The following VAV2 variants were observed in gnomAD, a reference collection of about 807,000 sequenced individuals.
The protein encoded by VAV2 is vav guanine nucleotide exchange factor 2.
In VAV2, 67 loss-of-function variants were observed where a neutral mutation model predicts 132.5. The ratio of observed to expected loss-of-function variants is 0.51; its 90% CI spans 0.42 to 0.62. The LOEUF (loss-of-function observed/expected upper bound fraction) is 0.62. Among genes scored for constraint, VAV2 ranks in the 20% least tolerant of loss-of-function variants. The pLI is 0.00. For missense variants in VAV2, 938 were observed against 1,153.6 expected (o/e 0.81, Z 2.71); for synonymous variants, 492 against 443.5 (o/e 1.11, Z -1.37).
intron 10 of VAV2, among the ~76,000 whole-genome samples, chr9:133,797,392 C>A (rs1046802032): frequency 6.6e-6 from 1 of 151,340 alleles, no homozygotes; most frequent in Admixed American, 6.6e-5. Flanking sequence ...CAGCAAATGG[C>A]ACCTGGGGCT....
chr9:133,920,387 G>A (rs1840255448), intron 2 of VAV2, among the ~76,000 whole-genome samples: 1 of 152,214 alleles, frequency 6.6e-6, no homozygotes, highest in Non-Finnish European at 1.5e-5. Flanking sequence ...CCTGCAGGCT[G>A]GGGCAATCCA....
intron 1 of VAV2, among the ~76,000 whole-genome samples, chr9:133,970,227 C>G (rs1842283759): frequency 6.6e-6 from 1 of 152,212 alleles, no homozygotes; most frequent in South Asian, 2.1e-4. Flanking sequence ...CCTCAGCTCC[C>G]TGGGCACAGG....
At chr9:133,972,326 G>A (rs867407426) in intron 1 of VAV2, among the ~76,000 whole-genome samples, 15 of 152,196 alleles carry the variant, frequency 9.9e-5, no homozygotes, top group Admixed American at 5.2e-4. Flanking sequence ...CCGTCCGTCC[G>A]ACCCTTCTCT....
chr9:133,791,784 A>C lies in VAV2; in HGVS notation c.1187T>G (p.Leu396Trp). The change falls in exon 13 of 30, where the codon TTG becomes TGG. Residue 396 changes from leucine (L) to tryptophan (W), a missense_variant and splice_region_variant. By Grantham distance (61) the Leu-to-Trp change is moderately conservative (BLOSUM62 -2). Coordinates refer to ENST00000371850, the MANE Select transcript of VAV2 (RefSeq NM_001134398.2). The stretch of plus-strand genomic sequence containing the variant: ...GCCTGAAGAGTCAGTCTCACTCACC[A>C]AATTTTCTATAGAACTCTGAAATTC... ...ISEFQSSIEN[L>W]QVKLEEFGRP... 1 of 1,614,074 alleles carries C rather than the reference A, an allele frequency of 6.2e-7. No homozygotes were observed. Among genetic ancestry groups the C allele is most frequent in the Non-Finnish European group, 8.5e-7 (1 of 1,179,936 alleles).
intron 19 of VAV2, among the ~76,000 whole-genome samples, 163 bp downstream of exon 19, chr9:133,783,340 C>T (rs759517776): frequency 2.0e-5 from 3 of 152,082 alleles, no homozygotes; most frequent in Admixed American, 6.5e-5. Context: ...GTGTGACGTG[C>T]GGCAGGCGTC....
rs1029295232 is a variant in VAV2 at position 133,802,019 on chromosome 9, C to G, written c.836+4062G>C. ...TTACAGCCAAGCCAGGTCACTCACA[C>G]AGACGCCTTCACCCTCCGTCCACAC... On this transcript the variant is annotated intron_variant, in intron 9 of 29. Coordinates refer to ENST00000371850, the MANE Select transcript of VAV2 (RefSeq NM_001134398.2). This position sits in a 1 kb window ranked among gnomAD's most constrained non-coding sequence, Gnocchi z 5.8. Among the ~76,000 whole-genome samples, 2 of 152,182 alleles carry G rather than the reference C, an allele frequency of 1.3e-5. No individual in the cohort carries two copies. Among genetic ancestry groups the G allele is most frequent in the Admixed American group, 6.5e-5 (1 of 15,290 alleles).
intron 3 of VAV2, among the ~76,000 whole-genome samples, chr9:133,858,264 C>G (rs906816189): frequency 3.9e-5 from 6 of 152,170 alleles, no homozygotes; most frequent in African/African-American, 1.4e-4. Flanking sequence ...CCTCTGCAGG[C>G]GCTGGGGATG....
At chr9:133,773,746 T>C (rs948525206) in intron 25 of VAV2, among the ~76,000 whole-genome samples, 2 of 152,192 alleles carry the variant, frequency 1.3e-5, no homozygotes, top group Non-Finnish European at 2.9e-5. Context: ...ATTAAGTATT[T>C]TTTTGCTGAG....
intron 1 of VAV2, among the ~76,000 whole-genome samples, chr9:133,950,101 G>C (rs1192919947): frequency 1.3e-5 from 2 of 152,186 alleles, no homozygotes; most frequent in African/African-American, 4.8e-5. Flanking sequence ...CTCAAAGGCT[G>C]AAAAGTCAAG....
At chr9:133,803,214 G>C (rs1328808787) in intron 9 of VAV2, among the ~76,000 whole-genome samples, 1 of 152,168 alleles carries the variant, frequency 6.6e-6, no homozygotes, top group Non-Finnish European at 1.5e-5. Context: ...ACCCAGCCCT[G>C]GGGGAGGAGG....
chr9:133,928,990 C>T lies in VAV2; in HGVS notation c.321+10113G>A, dbSNP rs941769338. On this transcript the variant is annotated intron_variant, in intron 2 of 29. Transcript: ENST00000371850. The surrounding 1 kb of genome is among the most constrained non-coding windows in gnomAD (Gnocchi z 5.4). ...ACAGCACCACTCCCAGGAGCTTCCT[C>T]ACGAGACCCAGCCCATGAAAACAGG... Among the ~76,000 whole-genome samples, 5 of 152,208 alleles carry T rather than the reference C, an allele frequency of 3.3e-5. No individual in the cohort carries two copies. Among genetic ancestry groups the T allele is most frequent in the African/African-American group, 1.2e-4 (5 of 41,446 alleles).
chr9:133,930,874 G>A (rs1840662765), intron 2 of VAV2, among the ~76,000 whole-genome samples: 2 of 152,332 alleles, frequency 1.3e-5, no homozygotes, highest in South Asian at 4.1e-4. Context: ...GCCACCCCCA[G>A]ACAGTGCTGA....
At chr9:133,958,698 T>A (rs558885950) in intron 1 of VAV2, among the ~76,000 whole-genome samples, 121 of 152,292 alleles carry the variant, frequency 7.9e-4, no homozygotes, top group African/African-American at 2.0e-3. Flanking sequence ...CGTTCCACCT[T>A]ACGAGAAACA....
chr9:133,990,457 G>A (rs1002643454), intron 1 of VAV2, among the ~76,000 whole-genome samples: 36 of 152,144 alleles, frequency 2.4e-4, no homozygotes, highest in African/African-American at 6.8e-4. Context: ...CACAGCTGGG[G>A]AGGGGCAGCC....
chr9:133,805,796 C>T lies in VAV2; in HGVS notation c.836+285G>A, dbSNP rs1270601447. 6.6e-5 allele frequency among the ~76,000 whole-genome samples: 10 copies of T among 152,190 alleles called. No homozygotes were observed. The East Asian group carries it at 1.7e-3, about 26-fold the overall frequency. ...GGCCCGAGATCTCCGCTGGGACAGCCGAGCCACTTGGATGGCCACACCTCT... is the reference window on the plus strand; with the variant it reads ...GGCCCGAGATCTCCGCTGGGACAGCTGAGCCACTTGGATGGCCACACCTCT... On this transcript the variant is annotated intron_variant, in intron 9 of 29. Transcript: ENST00000371850.
At chr9:133,977,007 C>T (rs183070732) in intron 1 of VAV2, among the ~76,000 whole-genome samples, 1 of 152,346 alleles carries the variant, frequency 6.6e-6, no homozygotes, top group East Asian at 1.9e-4. Context: ...GGGTGCCTCT[C>T]CTACAGCCAG....
chr9:133,768,656 G>T lies in VAV2; in HGVS notation c.2435-60C>A. 1 of 1,569,330 alleles carries T rather than the reference G, an allele frequency of 6.4e-7. No individual in the cohort carries two copies. Among genetic ancestry groups the T allele is most frequent in the Non-Finnish European group, 8.6e-7 (1 of 1,159,522 alleles). ...AGGAGGAGCCCAACCAGTGATCCAGGAGGCCCTTGGGCCAAGCTGGGTCTC... is the reference window on the plus strand; with the variant it reads ...AGGAGGAGCCCAACCAGTGATCCAGTAGGCCCTTGGGCCAAGCTGGGTCTC... On this transcript the variant is annotated intron_variant, in intron 28 of 29. Coordinates refer to ENST00000371850, the MANE Select transcript of VAV2 (RefSeq NM_001134398.2). This position sits in a 1 kb window ranked among gnomAD's most constrained non-coding sequence, Gnocchi z 5.3.
At chr9:133,965,729 G>A (rs1842122144) in intron 1 of VAV2, among the ~76,000 whole-genome samples, 1 of 152,100 alleles carries the variant, frequency 6.6e-6, no homozygotes. Context: ...TAGATTAAAT[G>A]CAATTCCTAT....
intron 3 of VAV2, among the ~76,000 whole-genome samples, chr9:133,841,925 G>A (rs971619733): frequency 1.3e-5 from 2 of 151,854 alleles, no homozygotes; most frequent in Non-Finnish European, 1.5e-5. Flanking sequence ...GCCAGCCGCA[G>A]TGGGACCAAT....
Sources: allele counts gnomAD v4.1 joint callset (sites outside exome capture counted in the v4.1 genomes callset), GRCh38; gene constraint gnomAD v4.1.1; non-coding constraint Gnocchi (gnomAD v3.1); transcripts MANE v1.5; gene names NCBI Gene and HGNC (gene_info 2026-07-23, HGNC 2026-07-21).